CDH5: variants seen among roughly 807,000 people sequenced by gnomAD.
CDH5 encodes the protein cadherin-5.
A neutral mutation model predicts 62.0 loss-of-function variants in CDH5; 28 were observed. That is an observed-to-expected ratio of 0.45 (90% CI 0.33 to 0.62). The LOEUF (loss-of-function observed/expected upper bound fraction) is 0.62, where lower values mean the gene tolerates loss of function less well. CDH5 is among the 20% of genes least tolerant of loss of function. The probability of loss-of-function intolerance (pLI) is 0.02; values close to 1 mark genes in which losing one functional copy is unlikely to be tolerated. For missense variants in CDH5, 940 were observed against 1,065.1 expected (o/e 0.88, Z 1.63); for synonymous variants, 464 against 445.8 (o/e 1.04, Z -0.52).
chr16:66,392,200 A>T lies in CDH5; in HGVS notation c.1034A>T (p.Asp345Val), dbSNP rs375836497. ...GTCGAGGCCACAGACCCCACCATCG[A>T]CCTCCGATACATGAGCCCTCCCGCG... is the stretch of plus-strand genomic sequence containing the variant. ...FIVEATDPTI[D>V]LRYMSPPAGN... The change falls in exon 7 of 12, where the codon GAC becomes GTC. Residue 345 changes from aspartate to valine, a missense_variant. Asp to Val is a radical substitution (Grantham distance 152). Coordinates refer to ENST00000341529, the MANE Select transcript of CDH5 (RefSeq NM_001795.5). 1.9e-6 allele frequency: 3 copies of T among 1,613,786 alleles called. No individual in the cohort carries two copies. Among genetic ancestry groups the T allele is most frequent in the East Asian group, 2.2e-5 (1 of 44,858 alleles).
intron 1 of CDH5, among the ~76,000 whole-genome samples, chr16:66,375,174 C>T (rs1411601632): frequency 6.6e-6 from 1 of 152,118 alleles, no homozygotes; most frequent in Non-Finnish European, 1.5e-5. Flanking sequence ...AATGCTGTAG[C>T]CAATTTTAAC....
rs749896456 is a variant in CDH5, at chr16:66,374,691, C to CT, written c.-19-4611dup. On this transcript the variant is annotated intron_variant, in intron 1 of 11. Coordinates refer to ENST00000341529, the MANE Select transcript of CDH5 (RefSeq NM_001795.5). ...GTCTGGTGTAGGTACAGCCGTGCAT[C>CT]TTTTTTTTTTTTTTTTTCAAATCAA... 3.7e-3 allele frequency among the ~76,000 whole-genome samples: 478 copies of CT among 129,114 alleles called. 4 individuals carry two copies. The highest frequency in any genetic ancestry group is 8.4e-3 in the Middle Eastern group (2 of 238). The allele number at this position is 129,114 out of a possible 152,430, so 84.7% of individuals were successfully genotyped here. A position where few individuals can be genotyped will look rare whatever the true frequency, so the allele number is the denominator to read the frequency against.
chr16:66,392,838 A>T, intron 7 of CDH5: 1 of 162,786 alleles, frequency 6.1e-6, no homozygotes, highest in Non-Finnish European at 1.4e-5. Context: ...GATAACCCCC[A>T]CTCTCAGATA....
chr16:66,395,939 G>A, intron 7 of CDH5, 120 bp from the exon 8 acceptor site: 2 of 976,814 alleles, frequency 2.0e-6, no homozygotes, highest in Non-Finnish European at 3.1e-6. Context: ...AATGAGCAGT[G>A]AGAGAGGGGC....
chr16:66,393,544 G>A (rs894797665), intron 7 of CDH5, among the ~76,000 whole-genome samples: 1 of 152,214 alleles, frequency 6.6e-6, no homozygotes, highest in East Asian at 1.9e-4. Flanking sequence ...AGAACCTAGG[G>A]GATGGAGCTA....
intron 5 of CDH5, among the ~76,000 whole-genome samples, 186 bp downstream of exon 5, chr16:66,389,708 A>G (rs1271966620): frequency 2.0e-5 from 3 of 152,036 alleles, no homozygotes; most frequent in African/African-American, 7.2e-5. Context: ...CACATTCCCA[A>G]GGCCATCCTG....
chr16:66,369,740 A>G (rs931892210), intron 1 of CDH5, among the ~76,000 whole-genome samples: 3 of 152,232 alleles, frequency 2.0e-5, no homozygotes, highest in Admixed American at 6.5e-5. Flanking sequence ...TTTGTTTCAC[A>G]TCACAAAATA....
intron 8 of CDH5, 124 bp downstream of exon 8, chr16:66,396,325 G>T: frequency 2.6e-6 from 3 of 1,174,914 alleles, no homozygotes; most frequent in East Asian, 2.4e-5. Context: ...AGCACCCGCT[G>T]GTTGGGATGC....
chr16:66,368,464 C>T (rs183621092), intron 1 of CDH5, among the ~76,000 whole-genome samples: 15 of 152,286 alleles, frequency 9.8e-5, no homozygotes, highest in Non-Finnish European at 2.1e-4. Context: ...AAACAAGGGC[C>T]GGACATGAGG....
Position 66,398,496 on chromosome 16 carries a change from C to T in CDH5, c.1526C>T (p.Pro509Leu). The change falls in exon 10 of 12, where the codon CCA becomes CTA. Residue 509 changes from proline (P) to leucine (L), a missense_variant. By Grantham distance (98) the Pro-to-Leu change is moderately conservative. Coordinates refer to ENST00000341529, the MANE Select transcript of CDH5 (RefSeq NM_001795.5). ...TCCGCAATAGACAAGGACATAACACCACGAAACGTGAAGTTCAAATTCATC... is the reference window on the plus strand; with the variant it reads ...TCCGCAATAGACAAGGACATAACACTACGAAACGTGAAGTTCAAATTCATC... ...QISAIDKDITPRNVKFKFILN... is the reference protein window; with the variant it reads ...QISAIDKDITLRNVKFKFILN... 1 of 1,610,038 alleles carries T rather than the reference C, an allele frequency of 6.2e-7. No homozygotes were observed.
chr16:66,393,803 A>T (rs2142335021), intron 7 of CDH5, among the ~76,000 whole-genome samples: 1 of 152,300 alleles, frequency 6.6e-6, no homozygotes, highest in Admixed American at 6.5e-5. Flanking sequence ...TTTAAACATT[A>T]GAATTCTAGT....
chr16:66,392,548 G>A, intron 7 of CDH5, 165 bp downstream of exon 7: 2 of 934,200 alleles, frequency 2.1e-6, no homozygotes, highest in Non-Finnish European at 3.2e-6. Flanking sequence ...GCACTTGGCA[G>A]CCTGGCATCT....
chr16:66,400,119 T>G (rs1187950579), intron 10 of CDH5, among the ~76,000 whole-genome samples: 1 of 152,224 alleles, frequency 6.6e-6, no homozygotes, highest in Non-Finnish European at 1.5e-5. Context: ...AAAATCAGCA[T>G]GTTTTAAAAG....
rs187704010 is a variant in CDH5, at chr16:66,403,447, G to A, written c.*278G>A. 14 of 467,760 alleles carry A rather than the reference G, an allele frequency of 3.0e-5. No homozygotes were observed. Among genetic ancestry groups the A allele is most frequent in the South Asian group, 1.0e-4 (4 of 39,642 alleles). 29.0% of individuals were successfully genotyped at this position (467,760 alleles called of 1,614,324 possible). On this transcript the variant is annotated 3_prime_UTR_variant, in exon 12 of 12. Transcript: ENST00000341529. The surrounding 1 kb of genome is among the most constrained non-coding windows in gnomAD (Gnocchi z 4.3). ...CACATAACCCTGTCACCCACAGACC[G>A]CCGTCTAACTCAAAGACTTCCTCTG...
intron 1 of CDH5, 123 bp downstream of exon 1, chr16:66,366,881 C>A (rs1043630266): frequency 2.0e-5 from 3 of 152,324 alleles, no homozygotes; most frequent in Non-Finnish European, 2.9e-5. Context: ...CAGAGAGGCT[C>A]CTCGAGGGCA....
At chr16:66,375,883 G>T (rs1487676005) in intron 1 of CDH5, among the ~76,000 whole-genome samples, 1 of 151,896 alleles carries the variant, frequency 6.6e-6, no homozygotes, top group African/African-American at 2.4e-5. Flanking sequence ...TGACGCGGCG[G>T]ATCGCCTGAG....
rs1025156383 is a variant in CDH5, at chr16:66,403,150, G to A, written c.2336G>A (p.Arg779Gln). Reference protein sequence around the residue: ...MLAELYGSDPREELLY With the variant: ...MLAELYGSDPQEELLY The stretch of plus-strand genomic sequence containing the variant: ...GCTGAGCTGTACGGCTCGGACCCCC[G>A]GGAGGAGCTGCTGTATTAGGCGGCC... Residue 779 changes from arginine (R) to glutamine (Q), a missense_variant, in exon 12 of 12, where the codon CGG becomes CAG. Physicochemically the swap from Arg to Gln is conservative, Grantham distance 43. Transcript: ENST00000341529. This position sits in a 1 kb window ranked among gnomAD's most constrained non-coding sequence, Gnocchi z 4.3. The A allele has an allele frequency of 6.2e-6, 10 of 1,611,484 alleles. No individual in the cohort carries two copies. The highest frequency in any genetic ancestry group is 7.6e-6 in the Non-Finnish European group (9 of 1,179,424).
intron 1 of CDH5, among the ~76,000 whole-genome samples, chr16:66,369,306 G>GT (rs1960642846): frequency 6.6e-6 from 1 of 152,178 alleles, no homozygotes; most frequent in African/African-American, 2.4e-5. Context: ...TCAAGCGTAA[G>GT]TTGGCCAGTC....
intron 8 of CDH5, among the ~76,000 whole-genome samples, chr16:66,396,656 G>A (rs116361352): frequency 2.9e-3 from 439 of 152,330 alleles, no homozygotes; most frequent in African/African-American, 9.1e-3. Flanking sequence ...TTATGCACCA[G>A]TTAATAGGTA....
Sources: allele counts gnomAD v4.1 joint callset (sites outside exome capture counted in the v4.1 genomes callset), GRCh38; gene constraint gnomAD v4.1.1; non-coding constraint Gnocchi (gnomAD v3.1); transcripts MANE v1.5; gene names NCBI Gene and HGNC (gene_info 2026-07-23, HGNC 2026-07-21).